Variants in WWTR1 observed in about 807,000 individuals in gnomAD.
The protein encoded by WWTR1 is WW domain-containing transcription regulator protein 1.
In WWTR1, 13 loss-of-function variants were observed where a neutral mutation model predicts 40.1. The observed-to-expected ratio is 0.32, with a 90% CI of 0.21 to 0.52. The LOEUF is 0.52. WWTR1 is among the 20% of genes least tolerant of loss of function. The pLI is 0.97. For synonymous variants in WWTR1, 230 were observed against 210.1 expected, an observed-to-expected ratio of 1.09 and a Z score of -0.82; for missense variants, 436 against 523.1, an observed-to-expected ratio of 0.83 and a Z score of 1.63.
At chr3:149,572,424 A>T (rs745836759) in intron 3 of WWTR1, among the ~76,000 whole-genome samples, 7 of 152,206 alleles carry the variant, frequency 4.6e-5, no homozygotes, top group Non-Finnish European at 1.0e-4. Flanking sequence ...TGAAGACAGG[A>T]GGCCTAACTG....
chr3:149,691,670 C>T (rs1460929395), intron 1 of WWTR1, among the ~76,000 whole-genome samples: 2 of 151,686 alleles, frequency 1.3e-5, no homozygotes, highest in Non-Finnish European at 2.9e-5. Context: ...AAAAAGTATG[C>T]CAGCAAAAAA....
chr3:149,681,688 A>G (rs1482490588), intron 1 of WWTR1, among the ~76,000 whole-genome samples: 1 of 152,242 alleles, frequency 6.6e-6, no homozygotes, highest in Non-Finnish European at 1.5e-5. Context: ...TCATCAATAG[A>G]TGAATGGATA....
chr3:149,535,071 C>A (rs984047144), intron 4 of WWTR1, among the ~76,000 whole-genome samples: 4 of 152,136 alleles, frequency 2.6e-5, no homozygotes, highest in Non-Finnish European at 5.9e-5. Context: ...ACTCTGCCAG[C>A]CAGCTCCTGC....
At chr3:149,522,279 A>C (rs181025903) in intron 6 of WWTR1, among the ~76,000 whole-genome samples, 1 of 152,166 alleles carries the variant, frequency 6.6e-6, no homozygotes, top group Non-Finnish European at 1.5e-5. Flanking sequence ...CCGAAAGTTC[A>C]CTTTAGCAAT....
intron 5 of WWTR1, among the ~76,000 whole-genome samples, chr3:149,709,694 T>C (rs1472426379): frequency 2.6e-5 from 4 of 151,942 alleles, no homozygotes; most frequent in Non-Finnish European, 5.9e-5. Flanking sequence ...CACCTAAAGT[T>C]AGGAGTTTGA....
chr3:149,657,272 G>C lies in WWTR1; in HGVS notation c.35C>G (p.Pro12Arg). ...GACGTGGATCACTTGCTGCCCAGGC[G>C]GCGGGAGCGGAGGGGGCGCCGAGGC... ...NPASAPPPLP[P>R]PGQQVIHVTQ... The change falls in exon 2 of 7, where the codon CCG (proline) becomes CGG (arginine). Residue 12 changes from proline to arginine, a missense_variant. Pro to Arg is a moderately radical substitution (Grantham distance 103). Transcript: ENST00000360632. The C allele has an allele frequency of 6.2e-7, 1 of 1,613,014 alleles. No homozygotes were observed. The highest frequency in any genetic ancestry group is 1.7e-5 in the Admixed American group (1 of 59,946).
At chr3:149,723,189 T>C (rs1163129049) in intron 4 of WWTR1, among the ~76,000 whole-genome samples, 6 of 141,928 alleles carry the variant, frequency 4.2e-5, no homozygotes, top group Non-Finnish European at 4.6e-5. Context: ...TCTTTTCTTT[T>C]TTTTTTTTTT....
chr3:149,647,647 C>T (rs1256647710), intron 2 of WWTR1, among the ~76,000 whole-genome samples: 1 of 152,200 alleles, frequency 6.6e-6, no homozygotes, highest in Non-Finnish European at 1.5e-5. Context: ...AGACCACCCA[C>T]AATTTTGGAA....
chr3:149,649,284 G>A (rs950660304), intron 2 of WWTR1, among the ~76,000 whole-genome samples: 5 of 152,100 alleles, frequency 3.3e-5, no homozygotes, highest in East Asian at 1.9e-4. Context: ...GAGCCACCGC[G>A]CCCAGCCAAG....
At chr3:149,530,279 C>T (rs1194820534) in intron 4 of WWTR1, among the ~76,000 whole-genome samples, 6 of 151,360 alleles carry the variant, frequency 4.0e-5, no homozygotes, top group East Asian at 1.9e-4. Flanking sequence ...TTTGGGGAGG[C>T]GGAGGTTGCA....
intron 4 of WWTR1, chr3:149,717,589 T>C (rs1715644545): frequency 6.6e-6 from 1 of 152,138 alleles, no homozygotes; most frequent in African/African-American, 2.4e-5. Context: ...GAAAAAGGAT[T>C]TGTGTCTCTG....
chr3:149,599,454 T>A (rs1220382186), intron 2 of WWTR1, among the ~76,000 whole-genome samples: 1 of 152,234 alleles, frequency 6.6e-6, no homozygotes, highest in Non-Finnish European at 1.5e-5. Flanking sequence ...CAAAAACAGA[T>A]GAAAAGCAGG....
chr3:149,563,150 C>A (rs1435777731), intron 3 of WWTR1, among the ~76,000 whole-genome samples: 3 of 152,112 alleles, frequency 2.0e-5, no homozygotes, highest in African/African-American at 7.2e-5. Flanking sequence ...CAACAGAGGT[C>A]TACAGCTCGG....
At chr3:149,645,456 G>A (rs908483038) in intron 2 of WWTR1, among the ~76,000 whole-genome samples, 3 of 152,152 alleles carry the variant, frequency 2.0e-5, no homozygotes, top group Non-Finnish European at 2.9e-5. Flanking sequence ...ACAGGTATGA[G>A]CCACTGCTCA....
At chr3:149,637,501 G>A (rs1711899679) in intron 2 of WWTR1, among the ~76,000 whole-genome samples, 1 of 152,010 alleles carries the variant, frequency 6.6e-6, no homozygotes, top group South Asian at 2.1e-4. Flanking sequence ...AAAGTGCTGG[G>A]ATTATCAGCA....
intron 2 of WWTR1, among the ~76,000 whole-genome samples, chr3:149,607,761 A>G (rs1031822448): frequency 6.6e-6 from 1 of 152,232 alleles, no homozygotes; most frequent in African/African-American, 2.4e-5. Context: ...TTCAATGATT[A>G]ACAACTTTAG....
chr3:149,661,542 C>G (rs1300358752), upstream of WWTR1, among the ~76,000 whole-genome samples: 1 of 151,942 alleles, frequency 6.6e-6, no homozygotes, highest in Non-Finnish European at 1.5e-5. Context: ...GTGCCTCAGC[C>G]TCCCGAGTAG....
intron 1 of WWTR1, among the ~76,000 whole-genome samples, chr3:149,670,318 A>G (rs1387530688): frequency 2.0e-5 from 3 of 152,154 alleles, no homozygotes; most frequent in African/African-American, 7.2e-5. Flanking sequence ...CAGTTCATCC[A>G]AGGTTGCTGT....
At chr3:149,643,630 C>T (rs1712320264) in intron 2 of WWTR1, among the ~76,000 whole-genome samples, 1 of 152,170 alleles carries the variant, frequency 6.6e-6, no homozygotes, top group African/African-American at 2.4e-5. Flanking sequence ...GGAGTGTATT[C>T]ACACCTTATC....
Sources: allele counts gnomAD v4.1 joint callset (sites outside exome capture counted in the v4.1 genomes callset), GRCh38; gene constraint gnomAD v4.1.1; transcripts MANE v1.5; gene names NCBI Gene and HGNC (gene_info 2026-07-23, HGNC 2026-07-21).